Variants in PTPRN2 observed in about 807,000 individuals in gnomAD.
PTPRN2 encodes protein tyrosine phosphatase receptor type N2.
PTPRN2 carries 74 observed loss-of-function variants against 118.8 expected under a neutral mutation model. The ratio of observed to expected loss-of-function variants is 0.62; its 90% CI spans 0.52 to 0.76. The LOEUF (loss-of-function observed/expected upper bound fraction) is 0.76. Ranked by LOEUF, PTPRN2 falls within the 30% of genes least tolerant of loss-of-function variation. PTPRN2 has a pLI of 0.00. For missense variants in PTPRN2, 1,481 were observed against 1,394.4 expected, an observed-to-expected ratio of 1.06 and a Z score of -0.99; for synonymous variants, 641 against 608.0, an observed-to-expected ratio of 1.05 and a Z score of -0.80.
At chr7:158,098,149 CGCACGCAG>C (rs1390778867) in intron 10 of PTPRN2, among the ~76,000 whole-genome samples, 1 of 152,222 alleles carries the variant, frequency 6.6e-6, no homozygotes. Flanking sequence ...TGAGCACACA[CGCACGCAG>C]GCACCAGAAC....
intron 2 of PTPRN2, among the ~76,000 whole-genome samples, chr7:158,413,014 A>G (rs1814315993): frequency 6.9e-6 from 1 of 145,072 alleles, no homozygotes; most frequent in African/African-American, 2.6e-5. Context: ...ACCAGGGCCC[A>G]TCCAGTGGCC....
intron 19 of PTPRN2, among the ~76,000 whole-genome samples, chr7:157,573,377 G>T (rs767078911): frequency 6.6e-6 from 1 of 152,236 alleles, no homozygotes; most frequent in Non-Finnish European, 1.5e-5. Flanking sequence ...TCTTGCAAAT[G>T]GGAATGACCT....
In PTPRN2 at chr7:157,806,638, A is replaced by ATG. The variant is rs368235731; in HGVS notation, c.1788+92033_1788+92034dup. Among the ~76,000 whole-genome samples the ATG allele has an allele frequency of 1.8e-3, 266 of 151,708 alleles. 2 individuals are homozygous for ATG. The highest frequency in any genetic ancestry group is 5.9e-3 in the African/African-American group (246 of 41,444). On this transcript the variant is annotated intron_variant, in intron 12 of 22. Transcript: ENST00000389418. ...TGCATGTGTATGTGCATACGCATGT[A>ATG]TGTGTGTGTGTGTGTACATCTTCTG...
At chr7:157,641,372 C>T (rs1392704220) in intron 14 of PTPRN2, among the ~76,000 whole-genome samples, 1 of 152,196 alleles carries the variant, frequency 6.6e-6, no homozygotes, top group East Asian at 1.9e-4. Flanking sequence ...AGGCCAAACA[C>T]TGAGTGAGTG....
At chr7:157,815,475 C>T (rs140945774) in intron 12 of PTPRN2, among the ~76,000 whole-genome samples, 19 of 152,344 alleles carry the variant, frequency 1.2e-4, no homozygotes, top group Admixed American at 3.9e-4. Context: ...GTGGGAAAGC[C>T]GGAGTCCCAG....
chr7:158,384,404 C>G (rs1174822575), intron 2 of PTPRN2, among the ~76,000 whole-genome samples: 1 of 152,038 alleles, frequency 6.6e-6, no homozygotes, highest in Non-Finnish European at 1.5e-5. Flanking sequence ...GGGGCAGCAC[C>G]CAACCTCCAG....
intron 11 of PTPRN2, among the ~76,000 whole-genome samples, chr7:158,060,643 C>G (rs1051455231): frequency 6.6e-6 from 1 of 152,238 alleles, no homozygotes; most frequent in African/African-American, 2.4e-5. Flanking sequence ...TAGGTTTTGA[C>G]CATAACTTTC....
chr7:158,211,604 C>A (rs557799182), intron 3 of PTPRN2, among the ~76,000 whole-genome samples: 2 of 152,050 alleles, frequency 1.3e-5, no homozygotes, highest in African/African-American at 4.8e-5. Context: ...GGCAAACAGG[C>A]GTATGAAAAG....
chr7:158,067,769 G>A (rs1810886512), intron 11 of PTPRN2, among the ~76,000 whole-genome samples: 2 of 152,160 alleles, frequency 1.3e-5, no homozygotes, highest in Admixed American at 6.5e-5. Context: ...GCAGCACACC[G>A]GGTCAGGCCG....
chr7:158,028,078 G>C (rs1329239398), intron 11 of PTPRN2: 1 of 152,228 alleles, frequency 6.6e-6, no homozygotes, highest in Admixed American at 6.5e-5. Context: ...ACCCTCTTGT[G>C]AATAATTCGT....
chr7:157,830,314 A>G (rs1417054797), intron 12 of PTPRN2, among the ~76,000 whole-genome samples: 2 of 152,260 alleles, frequency 1.3e-5, no homozygotes, highest in Non-Finnish European at 2.9e-5. Flanking sequence ...GCTGCTGGTA[A>G]CAAGATACCC....
At chr7:158,035,502 G>T (rs1003733199) in intron 11 of PTPRN2, among the ~76,000 whole-genome samples, 2 of 152,220 alleles carry the variant, frequency 1.3e-5, no homozygotes, top group African/African-American at 2.4e-5. Context: ...GGCCCAGCAG[G>T]CTGGGGTTGG....
chr7:158,138,876 T>C (rs73745138), intron 6 of PTPRN2, among the ~76,000 whole-genome samples: 7,675 of 152,140 alleles, frequency 0.05, 609 homozygotes, highest in African/African-American at 0.17. Context: ...GATAAAAGAA[T>C]GGGATGAGCT....
chr7:158,482,850 C>T (rs894553118), intron 2 of PTPRN2, among the ~76,000 whole-genome samples: 3 of 152,212 alleles, frequency 2.0e-5, no homozygotes, highest in African/African-American at 4.8e-5. Context: ...ATTCAGAACA[C>T]GCTACCTCAA....
intron 1 of PTPRN2, among the ~76,000 whole-genome samples, chr7:158,522,191 G>A (rs1386506048): frequency 1.4e-4 from 11 of 79,150 alleles, no homozygotes; most frequent in East Asian, 6.8e-4. Context: ...GCTCGGGAGG[G>A]AGGTCCACGT....
At chr7:157,981,256 A>C (rs761003200) in intron 11 of PTPRN2, among the ~76,000 whole-genome samples, 6 of 152,218 alleles carry the variant, frequency 3.9e-5, no homozygotes, top group Admixed American at 2.6e-4. Context: ...TTTAGACAAT[A>C]ATGTGTGTGG....
chr7:157,682,605 C>A, intron 13 of PTPRN2, 120 bp downstream of exon 13: 2 of 1,059,614 alleles, frequency 1.9e-6, no homozygotes, highest in Admixed American at 1.8e-5. Context: ...TCATAAAAGA[C>A]CCCAAACTAT....
intron 21 of PTPRN2, among the ~76,000 whole-genome samples, chr7:157,551,101 C>T (rs760233380): frequency 6.6e-6 from 1 of 152,228 alleles, no homozygotes; most frequent in Non-Finnish European, 1.5e-5. Context: ...ATGGCAGAAA[C>T]GACGCAGGGG....
At position 158,364,738 on chromosome 7, in the gene PTPRN2, G is replaced by A. The variant is rs544052534; in HGVS notation, c.164-47806C>T. ...GCCTCGGATGTGTTTGTGGGGCATC[G>A]TCTATAGCCGGGGCTCCTCCCCTCT... On this transcript the variant is annotated intron_variant, in intron 2 of 22. Transcript: ENST00000389418. 7.2e-5 allele frequency among the ~76,000 whole-genome samples: 11 copies of A among 152,200 alleles called. No individual in the cohort carries two copies. In the East Asian group the frequency reaches 1.5e-3, roughly 21 times the overall value.
Sources: gnomAD v4.1 joint callset for allele counts (sites outside exome capture counted in the v4.1 genomes callset) on GRCh38, gnomAD v4.1.1 for gene constraint, MANE v1.5 for transcripts, NCBI Gene and HGNC (gene_info 2026-07-23, HGNC 2026-07-21) for gene names.